Variants in KIF1A observed in about 807,000 individuals in gnomAD.
The protein encoded by KIF1A is kinesin-like protein KIF1A.
In KIF1A, 46 loss-of-function variants were observed where a neutral mutation model predicts 227.3. The ratio of observed to expected loss-of-function variants is 0.20; its 90% CI spans 0.16 to 0.26. The LOEUF (loss-of-function observed/expected upper bound fraction) is 0.26. KIF1A is among the 10% of genes least tolerant of loss of function. The pLI, the probability that KIF1A is intolerant of heterozygous loss-of-function variation, is 1.00. For missense variants in KIF1A, 1,683 were observed against 2,485.9 expected (o/e 0.68, Z 6.87); for synonymous variants, 1,022 against 1,012.8 (o/e 1.01, Z -0.17).
chr2:240,787,117 C>T (rs896416357), intron 5 of KIF1A, 134 bp downstream of exon 5: 3 of 732,932 alleles, frequency 4.1e-6, no homozygotes, highest in Non-Finnish European at 7.1e-6. Flanking sequence ...GTCTTGCCTG[C>T]CACTTGGATG....
intron 33 of KIF1A, 37 bp from the exon 34 acceptor site, chr2:240,743,021 C>G: frequency 6.4e-7 from 1 of 1,556,088 alleles, no homozygotes; most frequent in African/African-American, 1.4e-5. Context: ...GTTTGCGGGA[C>G]CCTGGGCGGG....
chr2:240,802,096 GA>G (rs11367239), intron 1 of KIF1A, among the ~76,000 whole-genome samples: 47,241 of 101,580 alleles, frequency 0.47, 8,225 homozygotes, highest in African/African-American at 0.55. Flanking sequence ...AAGTCAGCCA[GA>G]AAAAAAAAAA....
At chr2:240,812,524 G>T in intron 1 of KIF1A, among the ~76,000 whole-genome samples, 1 of 146,414 alleles carries the variant, frequency 6.8e-6, no homozygotes, top group African/African-American at 2.5e-5. Flanking sequence ...ACCTTCACCT[G>T]GGGATCCACC....
rs1279132355 is a variant in KIF1A, at chr2:240,775,529, C to T, written c.958+322G>A. 1.3e-5 allele frequency among the ~76,000 whole-genome samples: 2 copies of T among 152,218 alleles called. No individual in the cohort carries two copies. The highest frequency in any genetic ancestry group is 4.8e-5 in the African/African-American group (2 of 41,460). On this transcript the variant is annotated intron_variant, in intron 11 of 48. Transcript: ENST00000498729. This position sits in a 1 kb window ranked among gnomAD's most constrained non-coding sequence, Gnocchi z 5.5. ...CAGGTCCCCGTGACTGATGGGGAAA[C>T]CAAGGCCCAGAGAAGGATGAGTACT... is the stretch of plus-strand genomic sequence containing the variant.
In KIF1A at chr2:240,788,272, C is replaced by T. The variant is rs758044900; in HGVS notation, c.184-42G>A. ...GAATGAAGTTGCAGGAGGCTGGGTGCATCCGAGGCTCAGCCCATCATGTCT... is the reference window on the plus strand; with the variant it reads ...GAATGAAGTTGCAGGAGGCTGGGTGTATCCGAGGCTCAGCCCATCATGTCT... On this transcript the variant is annotated intron_variant, in intron 3 of 48. Transcript: ENST00000498729. This position sits in a 1 kb window ranked among gnomAD's most constrained non-coding sequence, Gnocchi z 6.6. 9 of 1,587,712 alleles carry T rather than the reference C, an allele frequency of 5.7e-6. No individual in the cohort carries two copies. The East Asian group carries it at 1.6e-4, about 28-fold the overall frequency.
At position 240,742,955 on chromosome 2, in the gene KIF1A, G is replaced by T; in HGVS notation, c.3614C>A (p.Pro1205His). 1 of 1,611,790 alleles carries T rather than the reference G, an allele frequency of 6.2e-7. No homozygotes were observed. ...SPLRPSRRHF[P>H]RVMPLSKPVP... is the part of the protein sequence containing the mutation. ...TGGCTTGGACAGTGGCATGACCCGAGGGAAGTGGCGGCGCGAGGGCCTCAG... is the reference window on the plus strand; with the variant it reads ...TGGCTTGGACAGTGGCATGACCCGATGGAAGTGGCGGCGCGAGGGCCTCAG... Residue 1205 changes from proline to histidine, a missense_variant, in exon 34 of 49, where the codon CCT (proline) becomes CAT (histidine). This residue lies in a region of KIF1A where 759 missense variants were observed against 1,020.2 expected (regional missense o/e 0.74). Transcript: ENST00000498729.
intron 6 of KIF1A, 147 bp downstream of exon 6, chr2:240,786,187 TA>T: frequency 1.3e-6 from 1 of 747,330 alleles, no homozygotes; most frequent in South Asian, 1.8e-5. Context: ...GGCACAGGCC[TA>T]AACGACCTCG....
chr2:240,724,900 T>C (rs1201097305), intron 40 of KIF1A: 1 of 200,820 alleles, frequency 5.0e-6, no homozygotes, highest in Non-Finnish European at 9.0e-6. Context: ...ATGGCACAGG[T>C]TCCGTGGTCC....
Position 240,763,335 on chromosome 2 carries a change from T to A in KIF1A, c.1780A>T (p.Ile594Phe). Residue 594 changes from isoleucine to phenylalanine, a missense_variant, in exon 21 of 49, where the codon ATC becomes TTC. Ile to Phe is a conservative substitution (Grantham distance 21, BLOSUM62 0). This residue lies in a region of KIF1A where 217 missense variants were observed against 427.0 expected (regional missense o/e 0.51). Coordinates refer to ENST00000498729, the MANE Select transcript of KIF1A (RefSeq NM_001244008.2). The stretch of plus-strand genomic sequence containing the variant: ...CGGAACACATGGCTCTTACCCATGA[T>A]GATGCGGTTTCCTGGGGAACAGAGG... ...PSILRSGNRI[I>F]MGKSHVFRFN... 1 of 1,579,262 alleles carries A rather than the reference T, an allele frequency of 6.3e-7. No homozygotes were observed. The highest frequency in any genetic ancestry group is 1.4e-5 in the African/African-American group (1 of 74,066).
intron 45 of KIF1A, chr2:240,720,600 C>T (rs1242981084): frequency 4.0e-5 from 9 of 223,808 alleles, no homozygotes; most frequent in Admixed American, 1.0e-4. Flanking sequence ...TGCCCTCTTT[C>T]GTAACCTTTT....
rs2055186221 is a variant in KIF1A at position 240,788,137 on chromosome 2, T to C, written c.277A>G (p.Ile93Val). 1 of 1,612,828 alleles carries C rather than the reference T, an allele frequency of 6.2e-7. No individual in the cohort carries two copies. Among genetic ancestry groups the C allele is most frequent in the Non-Finnish European group, 8.5e-7 (1 of 1,179,568 alleles). Residue 93 changes from isoleucine to valine, a missense_variant, in exon 4 of 49, where the codon ATC becomes GTC. Physicochemically the swap from Ile to Val is conservative, Grantham distance 29. Around this residue, in one of 12 missense-constraint regions of KIF1A, gnomAD observed 71 missense variants for 129.1 expected, o/e 0.55. Coordinates refer to ENST00000498729, the MANE Select transcript of KIF1A (RefSeq NM_001244008.2). The surrounding 1 kb of genome is among the most constrained non-coding windows in gnomAD (Gnocchi z 6.6). Reference sequence around the variant, plus strand: ...GCACCCGTCTGCCCATAGGCGAAGATGCACACGTTGTATCCCTCAAAGGCA... The same window carrying C: ...GCACCCGTCTGCCCATAGGCGAAGACGCACACGTTGTATCCCTCAAAGGCA... Reference protein sequence around the residue: ...QHAFEGYNVCIFAYGQTGAGK... With the variant: ...QHAFEGYNVCVFAYGQTGAGK...
At position 240,723,516 on chromosome 2, in the gene KIF1A, G is replaced by T. The variant is rs1323387485; in HGVS notation, c.4361C>A (p.Ala1454Asp). The T allele has an allele frequency of 6.4e-7, 1 of 1,552,956 alleles. No individual in the cohort carries two copies. The highest frequency in any genetic ancestry group is 8.7e-7 in the Non-Finnish European group (1 of 1,148,922). ...CAGGTTCTCCTCGCCCCGGACATAG[G>T]CCACAGATGTGTCCAGGACTCGTCG... Reference protein sequence around the residue: ...RRRRVLDTSVAYVRGEENLAG... With the variant: ...RRRRVLDTSVDYVRGEENLAG... The change falls in exon 42 of 49, where the codon GCC becomes GAC. Residue 1454 changes from alanine (A) to aspartate (D), a missense_variant. This residue lies in a region of KIF1A where 759 missense variants were observed against 1,020.2 expected (regional missense o/e 0.74). Coordinates refer to ENST00000498729, the MANE Select transcript of KIF1A (RefSeq NM_001244008.2).
chr2:240,745,960 C>A, intron 30 of KIF1A, 51 bp from the exon 31 acceptor site: 1 of 1,592,096 alleles, frequency 6.3e-7, no homozygotes, highest in East Asian at 2.3e-5. Context: ...TATTGTCTTC[C>A]AGCCACAGGC....
At position 240,736,561 on chromosome 2, in the gene KIF1A, C is replaced by T. The variant is rs1439772063; in HGVS notation, c.4007+502G>A. Among the ~76,000 whole-genome samples, 2 of 152,194 alleles carry T rather than the reference C, an allele frequency of 1.3e-5. No homozygotes were observed. The highest frequency in any genetic ancestry group is 2.9e-5 in the Non-Finnish European group (2 of 68,032). ...CAGCCTAAATGCGGTCGGGCTGGGA[C>T]CGCCCAGACTGTGGGGTCTTGGCCG... On this transcript the variant is annotated intron_variant, in intron 38 of 48. Transcript: ENST00000498729. This position sits in a 1 kb window ranked among gnomAD's most constrained non-coding sequence, Gnocchi z 4.7.
intron 1 of KIF1A, among the ~76,000 whole-genome samples, chr2:240,807,349 G>T (rs2057520663): frequency 6.6e-6 from 1 of 151,978 alleles, no homozygotes; most frequent in South Asian, 2.1e-4. Context: ...CTCCATGTTG[G>T]TCAGGCTGGT....
chr2:240,772,901 C>T (rs1027614439), intron 13 of KIF1A, among the ~76,000 whole-genome samples: 1 of 152,204 alleles, frequency 6.6e-6, no homozygotes, highest in African/African-American at 2.4e-5. Flanking sequence ...AGGGCCCCCG[C>T]CCGGCCTCCC....
chr2:240,757,741 A>G lies in KIF1A; in HGVS notation c.2583-147T>C, dbSNP rs996686963. The G allele has an allele frequency of 2.6e-5, 21 of 795,260 alleles. No homozygotes were observed. Among genetic ancestry groups the G allele is most frequent in the Non-Finnish European group, 4.0e-5 (20 of 506,262 alleles). 49.3% of individuals were successfully genotyped at this position (795,260 alleles called of 1,614,324 possible). A position where few individuals can be genotyped will look rare whatever the true frequency, so the allele number is the denominator to read the frequency against. On this transcript the variant is annotated intron_variant, in intron 26 of 48. Transcript: ENST00000498729. The surrounding 1 kb of genome is among the most constrained non-coding windows in gnomAD (Gnocchi z 6.2). ...AGAATGCTGCTTTAAAAGATGAGAG[A>G]ACCAAAACTGTGCCCCCAGGCTTGG...
Position 240,747,300 on chromosome 2 carries a change from T to C in KIF1A, c.2999A>G (p.Tyr1000Cys). The C allele has an allele frequency of 6.2e-7, 1 of 1,613,354 alleles. No individual in the cohort carries two copies. Among genetic ancestry groups the C allele is most frequent in the Non-Finnish European group, 8.5e-7 (1 of 1,179,572 alleles). ...TCCCGACTGGCGGACGCCAGAGCCATAATCAGGGGCCTCTTCATCGGCTGC... is the reference window on the plus strand; with the variant it reads ...TCCCGACTGGCGGACGCCAGAGCCACAATCAGGGGCCTCTTCATCGGCTGC... Reference protein sequence around the residue: ...AISADEEAPDYGSGVRQSGTA... With the variant: ...AISADEEAPDCGSGVRQSGTA... The change falls in exon 29 of 49, where the codon TAT becomes TGT. Residue 1000 changes from tyrosine (Y) to cysteine (C), a missense_variant. Coordinates refer to ENST00000498729, the MANE Select transcript of KIF1A (RefSeq NM_001244008.2).
intron 14 of KIF1A, among the ~76,000 whole-genome samples, chr2:240,771,587 G>C (rs796844662): frequency 6.6e-6 from 1 of 152,114 alleles, no homozygotes; most frequent in African/African-American, 2.4e-5. Context: ...TTCCCACCCT[G>C]TCCACTGGCT....
Sources: gnomAD v4.1 joint callset for allele counts (sites outside exome capture counted in the v4.1 genomes callset) on GRCh38, gnomAD v4.1.1 for gene constraint, gnomAD v4.1.1 regional missense constraint, Gnocchi (gnomAD v3.1) non-coding constraint, MANE v1.5 for transcripts, NCBI Gene and HGNC (gene_info 2026-07-23, HGNC 2026-07-21) for gene names.